The following TRIOBP variants were observed in gnomAD, a reference collection of about 807,000 sequenced individuals.
TRIOBP encodes the protein TRIO and F-actin binding protein, also known as TRIO and F-actin-binding protein.
A neutral mutation model predicts 238.8 loss-of-function variants in TRIOBP; 169 were observed. That is an observed-to-expected ratio of 0.71 (90% CI 0.62 to 0.80). TRIOBP has a LOEUF of 0.80. Among genes scored for constraint, TRIOBP ranks in the 30% least tolerant of loss-of-function variants. The pLI, the probability that TRIOBP is intolerant of heterozygous loss-of-function variation, is 0.00. For synonymous variants in TRIOBP, 1,150 were observed against 1,274.4 expected (o/e 0.90, Z 2.08); for missense variants, 2,838 against 3,122.6 (o/e 0.91, Z 2.17).
intron 3 of TRIOBP, among the ~76,000 whole-genome samples, chr22:37,707,174 G>A (rs946348042): frequency 6.6e-6 from 1 of 152,184 alleles, no homozygotes; most frequent in Non-Finnish European, 1.5e-5. Flanking sequence ...TACTCGGGAG[G>A]CTGAGGCAGG....
rs774126723 is a variant in TRIOBP at position 37,735,034 on chromosome 22, C to A, written c.4698C>A (p.Leu1566=). 5.0e-6 allele frequency: 8 copies of A among 1,608,920 alleles called. No individual in the cohort carries two copies. The East Asian group carries it at 1.6e-4, about 31-fold the overall frequency. The change falls in exon 9 of 24, where the codon CTC becomes CTA. Residue 1566 remains leucine (L), a synonymous_variant. Coordinates refer to ENST00000644935, the MANE Select transcript of TRIOBP (RefSeq NM_001039141.3). ...ACTGGAGGGATCTGCTTGGCCTTCT[C>A]CGGGCACCAGGAGAGGGGGTCTGGG... ...ELDWRDLLGL[L]RAPGEGVWAR...
chr22:37,701,372 G>C lies in TRIOBP; in HGVS notation c.7G>C (p.Glu3Gln). 1.2e-6 allele frequency: 2 copies of C among 1,612,920 alleles called. No homozygotes were observed. The highest frequency in any genetic ancestry group is 1.7e-6 in the Non-Finnish European group (2 of 1,179,586). Residue 3 changes from glutamate to glutamine, a missense_variant, in exon 3 of 24, where the codon GAG (glutamate) becomes CAG (glutamine). Around this residue, in one of 5 missense-constraint regions of TRIOBP, gnomAD observed 535 missense variants for 537.3 expected, o/e 1.00. Coordinates refer to ENST00000644935, the MANE Select transcript of TRIOBP (RefSeq NM_001039141.3). MEEVPGDALCEHF... is the reference protein window; with the variant it reads MEQVPGDALCEHF... ...CTGGCCTGACTCACCCAATATGGAG[G>C]AGGTGCCTGGGGATGCCCTGTGTGA...
chr22:37,755,175 T>C lies in TRIOBP; in HGVS notation c.5562T>C (p.Tyr1854=). 1 of 1,612,626 alleles carries C rather than the reference T, an allele frequency of 6.2e-7. No homozygotes were observed. The highest frequency in any genetic ancestry group is 8.5e-7 in the Non-Finnish European group (1 of 1,179,320). The change falls in exon 14 of 24, where the codon TAT becomes TAC. Residue 1854 remains tyrosine (Y), a synonymous_variant. Coordinates refer to ENST00000644935, the MANE Select transcript of TRIOBP (RefSeq NM_001039141.3). ...CTGAGTACGCGGTGCAGCGCAACTA[T>C]GGCTTCCAGATCCACGTGAGGCTGT... ...DVTEYAVQRN[Y]GFQIHTKDAV... is the part of the protein sequence containing the mutation.
intron 13 of TRIOBP, 46 bp downstream of exon 13, chr22:37,755,030 G>A: frequency 3.7e-6 from 6 of 1,610,930 alleles, no homozygotes; most frequent in Non-Finnish European, 5.1e-6. Flanking sequence ...GGCCTGGGGT[G>A]GCCTGGCTGG....
intron 6 of TRIOBP, among the ~76,000 whole-genome samples, chr22:37,717,371 G>A (rs111443646): frequency 1.3e-5 from 2 of 152,178 alleles, no homozygotes; most frequent in East Asian, 1.9e-4. Context: ...AAGAGGACCC[G>A]AGCGGGTTGC....
In TRIOBP at chr22:37,754,873, G is replaced by T. The variant is rs770573637; in HGVS notation, c.5380-4G>T. On this transcript the variant is annotated splice_polypyrimidine_tract_variant and splice_region_variant and intron_variant, in intron 12 of 23. Transcript: ENST00000644935. Reference sequence around the variant, plus strand: ...CTGGCTCTTTCATTCCATCCTCCTTGCAGCCTCCCTCCCCCTCGCTCACCA... The same window carrying T: ...CTGGCTCTTTCATTCCATCCTCCTTTCAGCCTCCCTCCCCCTCGCTCACCA... 15 of 1,613,878 alleles carry T rather than the reference G, an allele frequency of 9.3e-6. No individual in the cohort carries two copies. In the East Asian group the frequency reaches 3.3e-4, roughly 36 times the overall value.
At position 37,715,772 on chromosome 22, in the gene TRIOBP, A is replaced by G. The variant is rs1379027183; in HGVS notation, c.466A>G (p.Thr156Ala). 3.1e-6 allele frequency: 5 copies of G among 1,613,886 alleles called. No homozygotes were observed. Among genetic ancestry groups the G allele is most frequent in the East Asian group, 4.5e-5 (2 of 44,866 alleles). Residue 156 changes from threonine to alanine, a missense_variant, in exon 6 of 24, where the codon ACT becomes GCT. By Grantham distance (58) the Thr-to-Ala change is moderately conservative. Coordinates refer to ENST00000644935, the MANE Select transcript of TRIOBP (RefSeq NM_001039141.3). ...TCCCCTTCTCTGGCAGGACTGGGAC[A>G]CTGTTGAGAGGCAGGAGGAGGAGGC... ...TSNSSSVDWD[T>A]VERQEEEAPS... is the part of the protein sequence containing the mutation.
chr22:37,746,049 C>CCGTCCCGCCGTCCCGT (rs1187439159), intron 11 of TRIOBP, among the ~76,000 whole-genome samples: 1 of 141,828 alleles, frequency 7.1e-6, no homozygotes, highest in Admixed American at 6.8e-5. Flanking sequence ...GCCCACCCCG[C>CCGTCCCGCCGTCCCGT]CGTCCCGCCG....
At chr22:37,714,711 C>T (rs1404218380) in intron 5 of TRIOBP, among the ~76,000 whole-genome samples, 1 of 151,872 alleles carries the variant, frequency 6.6e-6, no homozygotes, top group African/African-American at 2.4e-5. Context: ...GGGTCTTGCT[C>T]CATTGCCCAG....
At chr22:37,758,841 T>C (rs1057451117) in intron 16 of TRIOBP, among the ~76,000 whole-genome samples, 3 of 152,170 alleles carry the variant, frequency 2.0e-5, no homozygotes, top group Admixed American at 2.0e-4. Context: ...GGCTCAAAGA[T>C]GTTTCCTCTG....
chr22:37,726,331 G>T lies in TRIOBP; in HGVS notation c.3775G>T (p.Gly1259Trp), dbSNP rs755555403. The change falls in exon 7 of 24, where the codon GGG becomes TGG. Residue 1259 changes from glycine (G) to tryptophan (W), a missense_variant. Physicochemically the swap from Gly to Trp is radical, Grantham distance 184. Around this residue, in one of 5 missense-constraint regions of TRIOBP, gnomAD observed 2,096 missense variants for 2,137.4 expected, o/e 0.98. Transcript: ENST00000644935. ...GGGCTCCCGGGGCTCAGCGCCTCCC[G>T]GGGAGACCAGGCACAACTTGGAGCG... ...SGGSRGSAPP[G>W]ETRHNLEREE... is the part of the protein sequence containing the mutation. The T allele has an allele frequency of 5.6e-6, 9 of 1,611,626 alleles. No individual in the cohort carries two copies. Among genetic ancestry groups the T allele is most frequent in the Non-Finnish European group, 7.6e-6 (9 of 1,179,434 alleles).
Position 37,713,280 on chromosome 22 carries a change from C to T in TRIOBP, c.325C>T (p.Leu109Phe). Residue 109 changes from leucine to phenylalanine, a missense_variant, in exon 5 of 24, where the codon CTT becomes TTT. Leu to Phe is a conservative substitution (Grantham distance 22). Coordinates refer to ENST00000644935, the MANE Select transcript of TRIOBP (RefSeq NM_001039141.3). ...TAAPRSRSRELEAVPYLEGLT... is the reference protein window; with the variant it reads ...TAAPRSRSREFEAVPYLEGLT... ...TGCCCCCAGGAGCAGGAGCCGGGAG[C>T]TTGAGGCAGTACCCTATCTGGAGGG... The T allele has an allele frequency of 6.2e-7, 1 of 1,613,992 alleles. No individual in the cohort carries two copies. The highest frequency in any genetic ancestry group is 8.5e-7 in the Non-Finnish European group (1 of 1,179,906).
chr22:37,728,522 G>A (rs1309440919), intron 7 of TRIOBP, among the ~76,000 whole-genome samples: 3 of 151,680 alleles, frequency 2.0e-5, no homozygotes, highest in African/African-American at 4.9e-5. Context: ...GATGACAACC[G>A]TGTGGTCTCC....
intron 7 of TRIOBP, 117 bp from the exon 8 acceptor site, chr22:37,733,181 G>A (rs1237941099): frequency 3.0e-5 from 24 of 794,702 alleles, no homozygotes; most frequent in Non-Finnish European, 4.1e-5. Flanking sequence ...GCCCTTCAAC[G>A]AGCTTGCAGT....
chr22:37,763,937 G>A (rs769406570), intron 17 of TRIOBP, among the ~76,000 whole-genome samples: 5 of 152,190 alleles, frequency 3.3e-5, no homozygotes, highest in Non-Finnish European at 5.9e-5. Flanking sequence ...GTGGCCGTCC[G>A]CGTCCCTTGG....
chr22:37,711,376 C>T (rs1452365062), intron 4 of TRIOBP, among the ~76,000 whole-genome samples: 1 of 151,798 alleles, frequency 6.6e-6, no homozygotes, highest in Non-Finnish European at 1.5e-5. Flanking sequence ...GTCAGGAGGT[C>T]GAGACCAGCC....
chr22:37,750,768 G>T (rs898414652), intron 11 of TRIOBP: 3 of 470,178 alleles, frequency 6.4e-6, no homozygotes, highest in Non-Finnish European at 1.3e-5. Flanking sequence ...GGGCTCCGTG[G>T]GTGGAGAGTG....
intron 10 of TRIOBP, 23 bp downstream of exon 10, chr22:37,738,742 T>C (rs374761133): frequency 8.1e-6 from 13 of 1,612,442 alleles, no homozygotes; most frequent in African/African-American, 1.3e-5. Flanking sequence ...TGGGTGTGGG[T>C]ACATACGGTG....
At chr22:37,769,681 T>C (rs775612832) in intron 21 of TRIOBP, among the ~76,000 whole-genome samples, 1 of 152,184 alleles carries the variant, frequency 6.6e-6, no homozygotes, top group Admixed American at 6.5e-5. Context: ...TAAGAAAATA[T>C]GTGTGTATGT....
Sources: allele counts gnomAD v4.1 joint callset (sites outside exome capture counted in the v4.1 genomes callset), GRCh38; gene constraint gnomAD v4.1.1; regional missense constraint gnomAD v4.1.1; transcripts MANE v1.5; gene names NCBI Gene and HGNC (gene_info 2026-07-23, HGNC 2026-07-21).